The following MTPN variants were observed in gnomAD, a reference collection of about 807,000 sequenced individuals.
The protein encoded by MTPN is myotrophin.
MTPN carries 2 observed loss-of-function variants against 13.5 expected under a neutral mutation model. The ratio of observed to expected loss-of-function variants is 0.15; its 90% CI spans 0.06 to 0.47. The LOEUF is 0.47. Ranked by LOEUF, MTPN falls within the 20% of genes least tolerant of loss-of-function variation. The probability of loss-of-function intolerance (pLI) is 0.97; values close to 1 mark genes in which losing one functional copy is unlikely to be tolerated. For synonymous variants in MTPN, 46 were observed against 51.7 expected (o/e 0.89, Z 0.48); for missense variants, 79 against 137.9 (o/e 0.57, Z 2.14).
At chr7:135,960,350 T>C (rs1489498003) in intron 1 of MTPN, among the ~76,000 whole-genome samples, 1 of 152,182 alleles carries the variant, frequency 6.6e-6, no homozygotes, top group East Asian at 1.9e-4. Context: ...TGATTTCATG[T>C]TTTTTTAAAC....
At chr7:135,946,468 C>T (rs79965787) in intron 3 of MTPN, among the ~76,000 whole-genome samples, 8,271 of 125,166 alleles carry the variant, frequency 0.066, 283 homozygotes, top group East Asian at 0.12. Context: ...TGAGCTAGAG[C>T]AGGGGTTGGC....
chr7:135,964,567 A>C (rs1412861504), intron 1 of MTPN, among the ~76,000 whole-genome samples: 1 of 152,074 alleles, frequency 6.6e-6, no homozygotes, highest in Non-Finnish European at 1.5e-5. Flanking sequence ...TAAGAATCTA[A>C]ATTAGTTCCT....
At chr7:135,935,520 G>A (rs183701784) in intron 3 of MTPN, among the ~76,000 whole-genome samples, 1 of 152,316 alleles carries the variant, frequency 6.6e-6, no homozygotes, top group Non-Finnish European at 1.5e-5. Context: ...GATCACAGGC[G>A]TGAGCCACTG....
At chr7:135,974,171 C>T (rs571178313) in intron 1 of MTPN, among the ~76,000 whole-genome samples, 2 of 152,212 alleles carry the variant, frequency 1.3e-5, no homozygotes, top group East Asian at 1.9e-4. Context: ...ACTCACACTT[C>T]GAACTTTAAT....
rs756708910 is a variant in MTPN at position 135,950,591 on chromosome 7, G to A, written c.270+8C>T. The stretch of plus-strand genomic sequence containing the variant: ...AGAAAAAGCAATACTATTAGCAATT[G>A]ACCTCACCTTTGACAGAAGCAATTT... On this transcript the variant is annotated splice_region_variant and intron_variant, in intron 3 of 3. Coordinates refer to ENST00000393085, the MANE Select transcript of MTPN (RefSeq NM_145808.4). 1.3e-6 allele frequency: 2 copies of A among 1,599,184 alleles called. No individual in the cohort carries two copies. The highest frequency in any genetic ancestry group is 1.3e-5 in the African/African-American group (1 of 74,598).
intron 3 of MTPN, among the ~76,000 whole-genome samples, chr7:135,945,629 A>G (rs1799278079): frequency 6.6e-6 from 1 of 152,182 alleles, no homozygotes; most frequent in South Asian, 2.1e-4. Flanking sequence ...GAATACATGG[A>G]GCTGTCAACT....
rs3832468 is a variant in MTPN, at chr7:135,927,137, G to GA, written c.*2788dup. 34,905 of 574,440 alleles carry GA rather than the reference G, an allele frequency of 0.061. 1,058 individuals carry two copies. The highest frequency in any genetic ancestry group is 0.094 in the East Asian group (2,922 of 31,112). The allele number at this position is 574,440 out of a possible 1,614,324, so 35.6% of individuals were successfully genotyped here. A position where few individuals can be genotyped will look rare whatever the true frequency, so the allele number is the denominator to read the frequency against. On this transcript the variant is annotated 3_prime_UTR_variant, in exon 4 of 4. Coordinates refer to ENST00000393085, the MANE Select transcript of MTPN (RefSeq NM_145808.4). ...AAACAGCAGCTCAACTGAAATATTA[G>GA]AAAAAAAAATCAAACAGATACATAC...
intron 3 of MTPN, among the ~76,000 whole-genome samples, chr7:135,950,243 T>C (rs1010305265): frequency 6.6e-6 from 1 of 152,214 alleles, no homozygotes; most frequent in Admixed American, 6.5e-5. Context: ...AAACCAGTGC[T>C]ACTCAAAGCA....
intron 3 of MTPN, chr7:135,932,371 A>G (rs2116339549): frequency 6.6e-6 from 1 of 152,088 alleles, no homozygotes; most frequent in African/African-American, 2.4e-5. Flanking sequence ...TTTCCTGTTG[A>G]TTCTGCAACT....
chr7:135,948,595 T>C (rs948727410), intron 3 of MTPN, among the ~76,000 whole-genome samples: 15 of 152,192 alleles, frequency 9.9e-5, no homozygotes, highest in African/African-American at 2.9e-4. Context: ...TTTCAGGAAC[T>C]CATTTAATGT....
At chr7:135,941,070 G>A (rs1246514530) in intron 3 of MTPN, among the ~76,000 whole-genome samples, 1 of 152,104 alleles carries the variant, frequency 6.6e-6, no homozygotes, top group African/African-American at 2.4e-5. Context: ...TTTACTACCT[G>A]GCCCTTAACA....
chr7:135,937,542 A>G (rs1435372343), intron 3 of MTPN, among the ~76,000 whole-genome samples: 1 of 152,228 alleles, frequency 6.6e-6, no homozygotes, highest in Admixed American at 6.5e-5. Flanking sequence ...GGATTTGCAT[A>G]TAACATACAC....
chr7:135,946,958 C>T (rs918253458), intron 3 of MTPN, among the ~76,000 whole-genome samples: 1 of 152,142 alleles, frequency 6.6e-6, no homozygotes, highest in Non-Finnish European at 1.5e-5. Flanking sequence ...CTTCTTGAGC[C>T]TGCATTAATT....
At chr7:135,964,099 C>G (rs1166476672) in intron 1 of MTPN, among the ~76,000 whole-genome samples, 2 of 151,880 alleles carry the variant, frequency 1.3e-5, no homozygotes, top group African/African-American at 4.8e-5. Context: ...GACTAACAAT[C>G]AAAAAGTAGC....
At chr7:135,931,536 G>C (rs919725653) in intron 3 of MTPN, among the ~76,000 whole-genome samples, 5 of 152,090 alleles carry the variant, frequency 3.3e-5, no homozygotes, top group African/African-American at 1.2e-4. Context: ...CTGCTTCATG[G>C]AAGACATGGA....
At chr7:135,972,795 AT>A (rs1388845497) in intron 1 of MTPN, among the ~76,000 whole-genome samples, 1 of 151,608 alleles carries the variant, frequency 6.6e-6, no homozygotes, top group East Asian at 2.0e-4. Flanking sequence ...CTCATTGCTT[AT>A]TTTAAAAGGG....
chr7:135,959,401 G>A (rs2116390617), intron 1 of MTPN, among the ~76,000 whole-genome samples: 1 of 152,254 alleles, frequency 6.6e-6, no homozygotes, highest in Middle Eastern at 3.4e-3. Context: ...CTCATGGGTT[G>A]ATTATGTACT....
At chr7:135,944,402 G>A (rs761442601) in intron 3 of MTPN, among the ~76,000 whole-genome samples, 30 of 152,178 alleles carry the variant, frequency 2.0e-4, no homozygotes, top group African/African-American at 6.5e-4. Context: ...GAGGCCAGGC[G>A]TGGTGGCTCG....
chr7:135,943,031 T>TA (rs1799238148), intron 3 of MTPN, among the ~76,000 whole-genome samples: 1 of 152,246 alleles, frequency 6.6e-6, no homozygotes, highest in Non-Finnish European at 1.5e-5. Flanking sequence ...ATCACTCTGG[T>TA]AGGCCCTTTA....
Sources: allele counts gnomAD v4.1 joint callset (sites outside exome capture counted in the v4.1 genomes callset), GRCh38; gene constraint gnomAD v4.1.1; transcripts MANE v1.5; gene names NCBI Gene and HGNC (gene_info 2026-07-23, HGNC 2026-07-21).